PRCC: variants seen among roughly 807,000 people sequenced by gnomAD.
The protein encoded by PRCC is proline rich mitotic checkpoint control factor, also known as proline-rich protein PRCC.
A neutral mutation model predicts 44.0 loss-of-function variants in PRCC; 10 were observed. The ratio of observed to expected loss-of-function variants is 0.23; its 90% confidence interval spans 0.14 to 0.39. PRCC has a LOEUF of 0.39. Among genes scored for constraint, PRCC ranks in the 10% least tolerant of loss-of-function variants. The probability of loss-of-function intolerance (pLI) is 1.00; values close to 1 mark genes in which losing one functional copy is unlikely to be tolerated. For synonymous variants in PRCC, 278 were observed against 259.5 expected (o/e 1.07, Z -0.69); for missense variants, 573 against 624.7 (o/e 0.92, Z 0.88).
rs1466423918 is a variant in PRCC, at chr1:156,767,719, G to T, written c.-53G>T. On this transcript the variant is annotated 5_prime_UTR_variant, in exon 1 of 7. Transcript: ENST00000271526. ...CCTACTAGGCCTCCGGGCATCCCCGGTCTCAAGTAGGCCTCATCTGCCGGC... is the reference window on the plus strand; with the variant it reads ...CCTACTAGGCCTCCGGGCATCCCCGTTCTCAAGTAGGCCTCATCTGCCGGC... The T allele has an allele frequency of 6.6e-7, 1 of 1,512,666 alleles. No individual in the cohort carries two copies. Among genetic ancestry groups the T allele is most frequent in the Non-Finnish European group, 8.9e-7 (1 of 1,127,318 alleles). 93.7% of individuals were successfully genotyped at this position (1,512,666 alleles called of 1,614,324 possible). A position where few individuals can be genotyped will look rare whatever the true frequency, so the allele number is the denominator to read the frequency against.
At position 156,786,731 on chromosome 1, in the gene PRCC, G is replaced by C. The variant is rs1366943395; in HGVS notation, c.640G>C (p.Asp214His). 8 of 1,614,144 alleles carry C rather than the reference G, an allele frequency of 5.0e-6. 1 individual carries two copies. In the East Asian group the frequency reaches 1.8e-4, roughly 36 times the overall value. ...CCGCAAACCCTCGGATGGCTCCCCT[G>C]ATACTAAGCCCTCCAGACTGGCTTC... Reference protein sequence around the residue: ...FSRKPSDGSPDTKPSRLASKT... With the variant: ...FSRKPSDGSPHTKPSRLASKT... The change falls in exon 3 of 7, where the codon GAT becomes CAT. Residue 214 changes from aspartate to histidine, a missense_variant. Transcript: ENST00000271526.
intron 3 of PRCC, among the ~76,000 whole-genome samples, chr1:156,789,343 C>T (rs763613174): frequency 1.3e-5 from 2 of 152,192 alleles, no homozygotes; most frequent in Non-Finnish European, 2.9e-5. Flanking sequence ...TCCTGGAGCA[C>T]TTCCCCTATG....
chr1:156,773,368 G>T (rs560139327), intron 1 of PRCC, among the ~76,000 whole-genome samples: 76 of 152,244 alleles, frequency 5.0e-4, no homozygotes, highest in African/African-American at 1.8e-3. Flanking sequence ...TTCCGTTCTT[G>T]CTCAGCAGTC....
chr1:156,777,869 T>TAC, intron 1 of PRCC, among the ~76,000 whole-genome samples: 1 of 152,226 alleles, frequency 6.6e-6, no homozygotes, highest in Admixed American at 6.5e-5. Context: ...GGGGAAGGAC[T>TAC]TACATGAAAG....
intron 2 of PRCC, among the ~76,000 whole-genome samples, chr1:156,784,953 CT>C (rs1291088367): frequency 6.6e-6 from 1 of 152,062 alleles, no homozygotes; most frequent in Non-Finnish European, 1.5e-5. Context: ...TATGCCACAT[CT>C]ATAGGGCTTT....
At position 156,787,008 on chromosome 1, in the gene PRCC, C is replaced by G. The variant is rs139572885; in HGVS notation, c.917C>G (p.Thr306Arg). Reference protein sequence around the residue: ...PTVPEELPPGTEPEPAFQDDA... With the variant: ...PTVPEELPPGREPEPAFQDDA... ...GTCCCTGAAGAGCTGCCTCCAGGCA[C>G]GGAACCAGAGCCGGCTTTCCAGGAC... is the stretch of plus-strand genomic sequence containing the variant. The change falls in exon 3 of 7, where the codon ACG (threonine) becomes AGG (arginine). Residue 306 changes from threonine to arginine, a missense_variant. By Grantham distance (71) the Thr-to-Arg change is moderately conservative. Coordinates refer to ENST00000271526, the MANE Select transcript of PRCC (RefSeq NM_005973.5). 6 of 1,614,130 alleles carry G rather than the reference C, an allele frequency of 3.7e-6. No homozygotes were observed. Among genetic ancestry groups the G allele is most frequent in the Admixed American group, 1.7e-5 (1 of 59,996 alleles).
intron 4 of PRCC, among the ~76,000 whole-genome samples, chr1:156,793,603 C>G (rs528002849): frequency 2.0e-5 from 3 of 152,064 alleles, no homozygotes; most frequent in South Asian, 2.1e-4. Flanking sequence ...CTAATGTCCA[C>G]TCTGGTGTGG....
intron 1 of PRCC, among the ~76,000 whole-genome samples, chr1:156,778,762 T>C (rs911520752): frequency 6.6e-6 from 1 of 151,786 alleles, no homozygotes; most frequent in African/African-American, 2.4e-5. Context: ...TTTGTATTTT[T>C]TGTGGAGACA....
At chr1:156,779,512 A>G (rs951695952) in intron 1 of PRCC, among the ~76,000 whole-genome samples, 5 of 133,108 alleles carry the variant, frequency 3.8e-5, no homozygotes, top group Middle Eastern at 3.8e-3. Flanking sequence ...ACTACAGGCA[A>G]AGGTGCCCGC....
At chr1:156,791,493 A>G (rs756582030) in intron 3 of PRCC, 3 of 583,166 alleles carry the variant, frequency 5.1e-6, no homozygotes, top group Non-Finnish European at 9.1e-6. Context: ...GATAGTGTAG[A>G]TGAGAAAAGC....
At chr1:156,796,381 G>A (rs1179462421) in intron 5 of PRCC, 1 of 152,230 alleles carries the variant, frequency 6.6e-6, no homozygotes, top group African/African-American at 2.4e-5. Context: ...TGACAGCATA[G>A]TTGGGAAGAA....
chr1:156,768,015 C>A lies in PRCC; in HGVS notation c.244C>A (p.Pro82Thr), dbSNP rs200950423. 6 of 1,569,814 alleles carry A rather than the reference C, an allele frequency of 3.8e-6. No homozygotes were observed. Among genetic ancestry groups the A allele is most frequent in the Non-Finnish European group, 5.2e-6 (6 of 1,156,378 alleles). The change falls in exon 1 of 7, where the codon CCC (proline) becomes ACC (threonine). Residue 82 changes from proline to threonine, a missense_variant. Pro to Thr is a conservative substitution (Grantham distance 38). Coordinates refer to ENST00000271526, the MANE Select transcript of PRCC (RefSeq NM_005973.5). ...AGACCCCAGGCTTCAGCCTCCTCCC[C>A]CCTTGCCCTTCGGCCTGGGAGGCTT... The part of the protein sequence containing the change: ...TGDPRLQPPP[P>T]LPFGLGGFPP...
chr1:156,793,352 C>T (rs1239248149), intron 4 of PRCC, among the ~76,000 whole-genome samples: 3 of 152,232 alleles, frequency 2.0e-5, no homozygotes, highest in Non-Finnish European at 1.5e-5. Flanking sequence ...CTGGGTCTCA[C>T]TGAAGCTTCT....
intron 4 of PRCC, 74 bp downstream of exon 4, chr1:156,791,866 TA>T: frequency 1.5e-6 from 2 of 1,368,424 alleles, no homozygotes; most frequent in East Asian, 2.3e-5. Context: ...CAAAGGAAAT[TA>T]AAAAAACACA....
At chr1:156,778,320 A>G (rs137997796) in intron 1 of PRCC, among the ~76,000 whole-genome samples, 237 of 152,308 alleles carry the variant, frequency 1.6e-3, no homozygotes, top group African/African-American at 5.3e-3. Flanking sequence ...TTCTCTTAGC[A>G]TAACGTTCTC....
chr1:156,791,902 C>G, intron 4 of PRCC, 110 bp downstream of exon 4: 1 of 1,009,044 alleles, frequency 9.9e-7, no homozygotes, highest in Non-Finnish European at 1.5e-6. Context: ...AAAACTGTAT[C>G]AGGATTAGGT....
chr1:156,791,334 T>C (rs1479698495), intron 3 of PRCC: 7 of 506,514 alleles, frequency 1.4e-5, no homozygotes, highest in African/African-American at 1.9e-5. Flanking sequence ...TGGGGTCTTA[T>C]GAGCAGGAGG....
At chr1:156,769,526 T>G (rs962481329) in intron 1 of PRCC, among the ~76,000 whole-genome samples, 2 of 152,230 alleles carry the variant, frequency 1.3e-5, no homozygotes, top group African/African-American at 4.8e-5. Flanking sequence ...AATATGGATT[T>G]TTCATGGAAG....
rs559444177 is a variant in PRCC, at chr1:156,767,871, G to A, written c.100G>A (p.Ala34Thr). ...EEAVAPTSGP[A>T]LGGLFASLPA... ...GGCGGTGGCTCCTACATCTGGGCCC[G>A]CTTTAGGGGGCTTGTTCGCTTCTCT... Residue 34 changes from alanine (A) to threonine (T), a missense_variant, in exon 1 of 7, where the codon GCT becomes ACT. Ala to Thr is a moderately conservative substitution (Grantham distance 58, BLOSUM62 0). Around this residue, in one of 4 missense-constraint regions of PRCC, gnomAD observed 245 missense variants for 188.5 expected, o/e 1.30. Transcript: ENST00000271526. The A allele has an allele frequency of 2.4e-5, 38 of 1,605,926 alleles. No individual in the cohort carries two copies. In the African/African-American group the frequency reaches 2.8e-4, roughly 12 times the overall value.
Sources: gnomAD v4.1 joint callset for allele counts (sites outside exome capture counted in the v4.1 genomes callset) on GRCh38, gnomAD v4.1.1 for gene constraint, gnomAD v4.1.1 regional missense constraint, MANE v1.5 for transcripts, NCBI Gene and HGNC (gene_info 2026-07-23, HGNC 2026-07-21) for gene names.